Variants in NCKAP5 observed in about 807,000 individuals in gnomAD.
NCKAP5 encodes nck-associated protein 5.
In NCKAP5, 92 loss-of-function variants were observed where a neutral mutation model predicts 167.0. The ratio of observed to expected loss-of-function variants is 0.55; its 90% CI spans 0.47 to 0.66. The LOEUF (loss-of-function observed/expected upper bound fraction) is 0.66, where lower values mean the gene tolerates loss of function less well. Ranked by LOEUF, NCKAP5 falls within the 30% of genes least tolerant of loss-of-function variation. NCKAP5 has a pLI of 0.00. For synonymous variants in NCKAP5, 891 were observed against 877.4 expected (o/e 1.02, Z -0.27); for missense variants, 2,378 against 2,315.0 (o/e 1.03, Z -0.56).
chr2:133,082,643 G>T (rs1340486403), intron 6 of NCKAP5, among the ~76,000 whole-genome samples: 1 of 152,124 alleles, frequency 6.6e-6, no homozygotes, highest in African/African-American at 2.4e-5. Context: ...AGTGGACAGA[G>T]CAGGGGCTTT....
At chr2:132,726,006 G>A (rs1225581673) in intron 18 of NCKAP5, among the ~76,000 whole-genome samples, 1 of 152,100 alleles carries the variant, frequency 6.6e-6, no homozygotes, top group African/African-American at 2.4e-5. Context: ...TGAAGCTGTC[G>A]ACGGCACTCT....
intron 6 of NCKAP5, among the ~76,000 whole-genome samples, chr2:133,120,364 G>A (rs999017851): frequency 2.6e-5 from 4 of 152,120 alleles, no homozygotes; most frequent in Non-Finnish European, 5.9e-5. Flanking sequence ...TTAAATAAAG[G>A]ATCCCAAAGA....
At chr2:132,776,472 C>T (rs921259358) in intron 15 of NCKAP5, among the ~76,000 whole-genome samples, 1 of 152,156 alleles carries the variant, frequency 6.6e-6, no homozygotes, top group Non-Finnish European at 1.5e-5. Context: ...CCTCTGGGGA[C>T]TTATGAGAAG....
upstream of NCKAP5, among the ~76,000 whole-genome samples, chr2:133,569,199 C>T (rs1251216169): frequency 6.6e-6 from 1 of 151,994 alleles, no homozygotes. Context: ...AAAAGTGGGC[C>T]TTTTCTCCCC....
chr2:133,495,643 A>G (rs563689957), intron 3 of NCKAP5, among the ~76,000 whole-genome samples: 2 of 152,296 alleles, frequency 1.3e-5, no homozygotes, highest in South Asian at 2.1e-4. Context: ...GCTCCGAACT[A>G]CTGAATAACA....
intron 16 of NCKAP5, among the ~76,000 whole-genome samples, chr2:132,763,028 C>T (rs1347646809): frequency 6.6e-6 from 1 of 152,216 alleles, no homozygotes; most frequent in Non-Finnish European, 1.5e-5. Context: ...CTATTTATCA[C>T]AGCACACCAT....
intron 6 of NCKAP5, among the ~76,000 whole-genome samples, chr2:133,054,800 G>T (rs1358102899): frequency 6.6e-6 from 1 of 152,142 alleles, no homozygotes; most frequent in African/African-American, 2.4e-5. Flanking sequence ...CAGATGTCCA[G>T]GGGGCCACCG....
chr2:132,791,952 A>G lies in NCKAP5; in HGVS notation c.910-1747T>C, dbSNP rs1684105870. On this transcript the variant is annotated intron_variant, in intron 12 of 19. Transcript: ENST00000409261. ...ATACCTCCTGTATAGATGTTGGGGT[A>G]AGATGACAGGAAAGTAGGACTCAGA... Among the ~76,000 whole-genome samples the G allele has an allele frequency of 2.0e-5, 3 of 152,244 alleles. No homozygotes were observed. The South Asian group carries it at 6.2e-4, about 32-fold the overall frequency.
At chr2:133,146,800 C>A (rs1574179164) in intron 5 of NCKAP5, among the ~76,000 whole-genome samples, 1 of 152,038 alleles carries the variant, frequency 6.6e-6, no homozygotes, top group Non-Finnish European at 1.5e-5. Flanking sequence ...CAAACACTTC[C>A]AAATACAACA....
At chr2:132,849,969 G>GCCGCTA (rs1398744926) in intron 11 of NCKAP5, among the ~76,000 whole-genome samples, 3 of 152,226 alleles carry the variant, frequency 2.0e-5, no homozygotes, top group African/African-American at 7.2e-5. Flanking sequence ...CTGGAATCGA[G>GCCGCTA]CCGCTACTCT....
the NCKAP5 span, among the ~76,000 whole-genome samples, chr2:133,614,666 C>T: frequency 2.6e-5 from 4 of 152,182 alleles, no homozygotes; most frequent in Admixed American, 6.5e-5. Flanking sequence ...ACCAAATCTA[C>T]GTCTGATTGG....
chr2:132,907,053 A>T (rs1694059599), intron 8 of NCKAP5, among the ~76,000 whole-genome samples: 1 of 152,272 alleles, frequency 6.6e-6, no homozygotes, highest in Admixed American at 6.5e-5. Flanking sequence ...AAATTCCAAA[A>T]GAATATTTTA....
chr2:132,676,455 G>A (rs1382795759), intron 19 of NCKAP5, among the ~76,000 whole-genome samples: 1 of 151,632 alleles, frequency 6.6e-6, no homozygotes, highest in African/African-American at 2.4e-5. Flanking sequence ...ATGAGTCTGG[G>A]CTCCTCAAGT....
intron 3 of NCKAP5, among the ~76,000 whole-genome samples, chr2:133,309,014 A>G (rs1473572684): frequency 2.0e-5 from 3 of 152,106 alleles, no homozygotes; most frequent in Non-Finnish European, 2.9e-5. Context: ...CCGGCCGAAG[A>G]AATACAATTC....
At chr2:133,290,991 A>G (rs1176450183) in intron 4 of NCKAP5, among the ~76,000 whole-genome samples, 1 of 152,050 alleles carries the variant, frequency 6.6e-6, no homozygotes, top group Non-Finnish European at 1.5e-5. Context: ...ATGTGCTGTG[A>G]TTACAGGAGT....
chr2:133,273,516 G>GA (rs1355273791), intron 4 of NCKAP5, among the ~76,000 whole-genome samples: 2 of 151,636 alleles, frequency 1.3e-5, no homozygotes, highest in African/African-American at 4.8e-5. Flanking sequence ...GGGAGGAGGA[G>GA]AAAAAAGGAA....
chr2:133,476,142 G>A (rs1044306471), intron 3 of NCKAP5, among the ~76,000 whole-genome samples: 2 of 152,134 alleles, frequency 1.3e-5, no homozygotes, highest in South Asian at 2.1e-4. Context: ...AAAAGTTTTC[G>A]AATTAATTTT....
intron 6 of NCKAP5, among the ~76,000 whole-genome samples, chr2:133,000,451 C>A (rs2077740452): frequency 6.6e-6 from 1 of 152,154 alleles, no homozygotes; most frequent in Non-Finnish European, 1.5e-5. Flanking sequence ...CAAAGAGGAC[C>A]AGCATACTTC....
At chr2:132,828,077 T>C (rs78259441) in intron 11 of NCKAP5, among the ~76,000 whole-genome samples, 10,005 of 152,218 alleles carry the variant, frequency 0.066, 410 homozygotes, top group East Asian at 0.2. Context: ...TGTATTTTCA[T>C]GAAAAATGGA....
Sources: gnomAD v4.1 joint callset for allele counts (sites outside exome capture counted in the v4.1 genomes callset) on GRCh38, gnomAD v4.1.1 for gene constraint, MANE v1.5 for transcripts, NCBI Gene and HGNC (gene_info 2026-07-23, HGNC 2026-07-21) for gene names.